HECW2: variants seen among roughly 807,000 people sequenced by gnomAD.
HECW2 encodes E3 ubiquitin-protein ligase HECW2.
Under a neutral mutation model 175.2 loss-of-function variants are expected in HECW2, and 61 were observed. The ratio of observed to expected loss-of-function variants is 0.35; its 90% CI spans 0.28 to 0.43. HECW2 has a LOEUF of 0.43. Ranked by LOEUF, HECW2 falls within the 20% of genes least tolerant of loss-of-function variation. HECW2 has a pLI of 1.00. For missense variants in HECW2, 1,524 were observed against 2,000.5 expected (o/e 0.76, Z 4.54); for synonymous variants, 671 against 731.0 (o/e 0.92, Z 1.32).
intron 21 of HECW2, among the ~76,000 whole-genome samples, chr2:196,238,304 T>C (rs1475099411): frequency 6.6e-6 from 1 of 152,110 alleles, no homozygotes; most frequent in East Asian, 1.9e-4. Flanking sequence ...AAAATTTGGG[T>C]CGCTCTTCCC....
chr2:196,355,386 C>A (rs1167188474), intron 2 of HECW2, among the ~76,000 whole-genome samples: 1 of 152,180 alleles, frequency 6.6e-6, no homozygotes, highest in African/African-American at 2.4e-5. Flanking sequence ...GCTCGGTAAA[C>A]ACCTTAGCAC....
Position 196,275,524 on chromosome 2 carries a change from C to T in HECW2, c.3136-1401G>A, listed in dbSNP as rs187695267. 5.5e-4 allele frequency among the ~76,000 whole-genome samples: 83 copies of T among 152,208 alleles called. No homozygotes were observed. In the East Asian group the frequency reaches 9.3e-3, roughly 17 times the overall value. On this transcript the variant is annotated intron_variant, in intron 15 of 28. Coordinates refer to ENST00000644978, the MANE Select transcript of HECW2 (RefSeq NM_001348768.2). ...ATCCCAGCACTTTGGGTGGCCAAGG[C>T]GGGCGGATTACAAGGTCAACAGATC...
intron 10 of HECW2, among the ~76,000 whole-genome samples, chr2:196,311,986 C>A (rs1270373677): frequency 6.6e-6 from 1 of 152,156 alleles, no homozygotes; most frequent in African/African-American, 2.4e-5. Context: ...CTGGTCTCCT[C>A]AGCAGGGAAC....
chr2:196,334,126 C>A (rs1692465281), intron 4 of HECW2, among the ~76,000 whole-genome samples: 1 of 152,222 alleles, frequency 6.6e-6, no homozygotes, highest in African/African-American at 2.4e-5. Context: ...TGGTCACCCA[C>A]ACTAAGTTTA....
chr2:196,222,188 G>T (rs16847479), intron 24 of HECW2, 23 bp downstream of exon 24: 16 of 1,604,024 alleles, frequency 1.0e-5, no homozygotes, highest in East Asian at 2.2e-5. Flanking sequence ...ACACTTAGGC[G>T]CCAGGTGTGC....
intron 19 of HECW2, among the ~76,000 whole-genome samples, chr2:196,248,146 T>G (rs1018481198): frequency 2.6e-5 from 4 of 152,184 alleles, no homozygotes; most frequent in African/African-American, 9.7e-5. Flanking sequence ...TAAAAGGCCC[T>G]CGAGTCATTT....
At chr2:196,223,423 A>G (rs1274962738) in intron 23 of HECW2, among the ~76,000 whole-genome samples, 1 of 152,198 alleles carries the variant, frequency 6.6e-6, no homozygotes, top group Non-Finnish European at 1.5e-5. Context: ...TTTAAAAGCA[A>G]GAGACGTAAA....
At chr2:196,339,925 A>G (rs1692684821) in intron 3 of HECW2, among the ~76,000 whole-genome samples, 1 of 152,202 alleles carries the variant, frequency 6.6e-6, no homozygotes, top group Non-Finnish European at 1.5e-5. Context: ...GGTAAGCCCT[A>G]TAATGAAATA....
In HECW2 at chr2:196,229,032, G is replaced by A. The variant is rs530599962; in HGVS notation, c.3765-778C>T. ...GGAATGACAAGTGGCCAAAAATGAC[G>A]AGAGTAAAAAATGCAAAGTAAGGAG... On this transcript the variant is annotated intron_variant, in intron 21 of 28. Coordinates refer to ENST00000644978, the MANE Select transcript of HECW2 (RefSeq NM_001348768.2). Among the ~76,000 whole-genome samples the A allele has an allele frequency of 4.6e-5, 7 of 152,272 alleles. No homozygotes were observed. In the South Asian group the frequency reaches 6.2e-4, roughly 14 times the overall value.
intron 2 of HECW2, among the ~76,000 whole-genome samples, chr2:196,378,649 T>C (rs1694116784): frequency 1.3e-5 from 2 of 152,190 alleles, no homozygotes; most frequent in Admixed American, 1.3e-4. Context: ...TTAAGCATCA[T>C]TTTGCTTTTC....
chr2:196,241,704 C>A (rs1200410123), intron 20 of HECW2, among the ~76,000 whole-genome samples: 1 of 152,158 alleles, frequency 6.6e-6, no homozygotes, highest in Non-Finnish European at 1.5e-5. Flanking sequence ...GAGCTGAGCA[C>A]TATTCCTACA....
intron 1 of HECW2, among the ~76,000 whole-genome samples, chr2:196,536,159 G>GGACA (rs1053298260): frequency 1.3e-5 from 2 of 152,160 alleles, no homozygotes; most frequent in Admixed American, 1.3e-4. Context: ...TGGGCATGAA[G>GGACA]GACACACTGA....
chr2:196,323,899 G>GTTT (rs1183919803), intron 6 of HECW2, among the ~76,000 whole-genome samples: 9 of 118,180 alleles, frequency 7.6e-5, no homozygotes, highest in African/African-American at 2.5e-4. Flanking sequence ...GCCCTTAAGA[G>GTTT]TTTTTTTTGT....
chr2:196,214,787 A>T (rs1349782071), intron 28 of HECW2, among the ~76,000 whole-genome samples: 1 of 152,180 alleles, frequency 6.6e-6, no homozygotes, highest in African/African-American at 2.4e-5. Flanking sequence ...AGTTCTTAAG[A>T]ACTGGCATCT....
chr2:196,223,183 C>T (rs1226230232), intron 23 of HECW2, among the ~76,000 whole-genome samples: 1 of 152,020 alleles, frequency 6.6e-6, no homozygotes, highest in East Asian at 1.9e-4. Context: ...GTTGGGGAGC[C>T]AAGTACACAA....
rs1425091738 is a variant in HECW2, at chr2:196,197,519, C to T, written c.*3758G>A. The T allele has an allele frequency of 6.6e-6, 1 of 152,002 alleles. No individual in the cohort carries two copies. The highest frequency in any genetic ancestry group is 1.5e-5 in the Non-Finnish European group (1 of 68,018). 9.4% of individuals were successfully genotyped at this position (152,002 alleles called of 1,614,324 possible). A position where few individuals can be genotyped will look rare whatever the true frequency, so the allele number is the denominator to read the frequency against. On this transcript the variant is annotated 3_prime_UTR_variant, in exon 29 of 29. Coordinates refer to ENST00000644978, the MANE Select transcript of HECW2 (RefSeq NM_001348768.2). Reference sequence around the variant, plus strand: ...GTTTTTTAAATTTCTCATGTCAAGTCATGAAATGCAAATAAGTCTACGGGG... The same window carrying T: ...GTTTTTTAAATTTCTCATGTCAAGTTATGAAATGCAAATAAGTCTACGGGG...
intron 8 of HECW2, 109 bp downstream of exon 8, chr2:196,320,230 C>T: frequency 1.4e-6 from 1 of 724,874 alleles, no homozygotes; most frequent in Non-Finnish European, 2.3e-6. Flanking sequence ...ATTTTACTTT[C>T]AAAACAGAAC....
intron 23 of HECW2, among the ~76,000 whole-genome samples, chr2:196,223,991 T>C (rs1687761400): frequency 6.6e-6 from 1 of 152,134 alleles, no homozygotes; most frequent in African/African-American, 2.4e-5. Context: ...TGTAATTAAT[T>C]GCTGGGCTTG....
intron 9 of HECW2, among the ~76,000 whole-genome samples, chr2:196,317,873 C>T (rs1034024919): frequency 6.6e-6 from 1 of 152,198 alleles, no homozygotes; most frequent in Admixed American, 6.5e-5. Context: ...GAGCTGCATT[C>T]ACTGAGCGTA....
Sources: allele counts gnomAD v4.1 joint callset (sites outside exome capture counted in the v4.1 genomes callset), GRCh38; gene constraint gnomAD v4.1.1; transcripts MANE v1.5; gene names NCBI Gene and HGNC (gene_info 2026-07-23, HGNC 2026-07-21).